IL1RAPL1: variants seen among roughly 807,000 people sequenced by gnomAD.
IL1RAPL1 encodes the protein interleukin 1 receptor accessory protein like 1, also known as interleukin-1 receptor accessory protein-like 1.
In IL1RAPL1, 3 loss-of-function variants were observed where a neutral mutation model predicts 48.4. That is an observed-to-expected ratio of 0.06 (90% CI 0.03 to 0.16). IL1RAPL1 has a LOEUF of 0.16. Ranked by LOEUF, IL1RAPL1 falls within the 10% of genes least tolerant of loss-of-function variation. The pLI is 1.00. For synonymous variants in IL1RAPL1, 185 were observed against 187.7 expected, an observed-to-expected ratio of 0.99 and a Z score of 0.12; for missense variants, 349 against 530.6, an observed-to-expected ratio of 0.66 and a Z score of 3.36.
intron 2 of IL1RAPL1, among the ~76,000 whole-genome samples, chrX:28,965,347 C>T (rs1814739349): frequency 9.0e-6 from 1 of 111,227 alleles, no homozygotes; most frequent in African/African-American, 3.3e-5. Flanking sequence ...TATTTAAGAA[C>T]ATGTTGAGCT....
intron 2 of IL1RAPL1, among the ~76,000 whole-genome samples, chrX:29,022,945 C>A (rs1359156566): frequency 8.9e-6 from 1 of 112,268 alleles, no homozygotes; most frequent in Non-Finnish European, 1.9e-5. Context: ...AAACCACTCA[C>A]TGCAGCCCAC....
At chrX:29,260,823 C>T (rs766804892) in intron 2 of IL1RAPL1, among the ~76,000 whole-genome samples, 19 of 109,189 alleles carry the variant, frequency 1.7e-4, no homozygotes, top group East Asian at 1.7e-3. Flanking sequence ...AATTGGCTTC[C>T]GGTATCATAA....
intron 2 of IL1RAPL1, among the ~76,000 whole-genome samples, chrX:28,897,226 G>A (rs1012335941): frequency 9.2e-6 from 1 of 108,245 alleles, no homozygotes; most frequent in Non-Finnish European, 1.9e-5. Flanking sequence ...GGTCGGGGGG[G>A]TTCTTGCCCC....
intron 2 of IL1RAPL1, among the ~76,000 whole-genome samples, chrX:28,951,022 AC>A (rs1182260246): frequency 3.2e-4 from 30 of 94,997 alleles, no homozygotes; most frequent in African/African-American, 9.6e-4. Context: ...TATCGCAAGA[AC>A]AAAAAACCAA....
intron 2 of IL1RAPL1, among the ~76,000 whole-genome samples, chrX:29,176,097 T>C (rs1930012442): frequency 1.1e-5 from 1 of 93,835 alleles, no homozygotes. Flanking sequence ...TTTTTTTTTT[T>C]TTTTTTTTCT....
chrX:29,627,192 A>G (rs1386406259), intron 5 of IL1RAPL1, among the ~76,000 whole-genome samples: 1 of 112,252 alleles, frequency 8.9e-6, no homozygotes, highest in Non-Finnish European at 1.9e-5. Context: ...AGATGATTTT[A>G]AAATGTGGCA....
rs148573650 is a variant in IL1RAPL1, at chrX:29,377,338, G to A, written c.363-18920G>A. On this transcript the variant is annotated intron_variant, in intron 3 of 10. Transcript: ENST00000378993. ...CTTGCCACTCTATGTCTTTTAAGTG[G>A]GACATGTAGCCTATTTACATTCGGG... Among the ~76,000 whole-genome samples, 549 of 111,789 alleles carry A rather than the reference G, an allele frequency of 4.9e-3. 6 individuals are homozygous for A. The highest frequency in any genetic ancestry group is 0.017 in the African/African-American group (528 of 30,755).
At chrX:29,593,108 C>T (rs1358935653) in intron 5 of IL1RAPL1, among the ~76,000 whole-genome samples, 1 of 111,857 alleles carries the variant, frequency 8.9e-6, no homozygotes, top group Non-Finnish European at 1.9e-5. Context: ...TTCTTTTCCC[C>T]AGCCATGGTG....
intron 6 of IL1RAPL1, among the ~76,000 whole-genome samples, chrX:29,828,933 A>G (rs1930803442): frequency 9.1e-6 from 1 of 110,056 alleles, no homozygotes; most frequent in African/African-American, 3.3e-5. Flanking sequence ...GGGTACGAGA[A>G]GGTCAGAAGG....
At chrX:29,386,434 G>A (rs767092103) in intron 3 of IL1RAPL1, among the ~76,000 whole-genome samples, 74 of 111,174 alleles carry the variant, frequency 6.7e-4, no homozygotes, top group Middle Eastern at 4.6e-3. Flanking sequence ...CTCTCAATAG[G>A]ATATAAACTC....
At chrX:29,322,306 G>T (rs1418140079) in intron 3 of IL1RAPL1, among the ~76,000 whole-genome samples, 1 of 99,068 alleles carries the variant, frequency 1.0e-5, no homozygotes, top group Non-Finnish European at 2.0e-5. Flanking sequence ...CTTTCTTGTC[G>T]CCCAGGCTGG....
At chrX:28,734,311 T>C (rs1438706833) in intron 1 of IL1RAPL1, among the ~76,000 whole-genome samples, 1 of 111,365 alleles carries the variant, frequency 9.0e-6, no homozygotes, top group Non-Finnish European at 1.9e-5. Context: ...TGAAAAGTGT[T>C]TACAATGGCT....
At chrX:29,421,456 C>T (rs2147705344) in intron 5 of IL1RAPL1, among the ~76,000 whole-genome samples, 1 of 110,408 alleles carries the variant, frequency 9.1e-6, no homozygotes, top group African/African-American at 3.3e-5. Context: ...GTAGGTTCTC[C>T]AAGAACCCCT....
At chrX:28,852,047 G>C (rs1056920603) in intron 2 of IL1RAPL1, among the ~76,000 whole-genome samples, 3 of 111,893 alleles carry the variant, frequency 2.7e-5, no homozygotes, top group Non-Finnish European at 3.8e-5. Flanking sequence ...GAGGTATGTG[G>C]TAACTTTGTT....
intron 1 of IL1RAPL1, among the ~76,000 whole-genome samples, chrX:28,630,630 C>T (rs1349495926): frequency 9.0e-6 from 1 of 111,722 alleles, no homozygotes; most frequent in Non-Finnish European, 1.9e-5. Flanking sequence ...GTTTTCTATT[C>T]GTCTACTGCA....
At chrX:29,246,150 C>CTTTTT (rs761809643) in intron 2 of IL1RAPL1, among the ~76,000 whole-genome samples, 6 of 52,021 alleles carry the variant, frequency 1.2e-4, no homozygotes, top group Non-Finnish European at 1.7e-4. Flanking sequence ...TCTCATCGCT[C>CTTTTT]TTTTTTTTTT....
At chrX:29,340,815 C>T (rs761830582) in intron 3 of IL1RAPL1, among the ~76,000 whole-genome samples, 289 of 111,876 alleles carry the variant, frequency 2.6e-3, no homozygotes, top group Middle Eastern at 4.6e-3. Flanking sequence ...CTGGAGTCTC[C>T]GAGGACACCA....
intron 2 of IL1RAPL1, among the ~76,000 whole-genome samples, chrX:28,908,452 G>A (rs1207667682): frequency 1.8e-5 from 2 of 111,288 alleles, no homozygotes; most frequent in African/African-American, 6.5e-5. Context: ...CTTGACTCGT[G>A]ATTTATTTGG....
chrX:29,045,530 A>G (rs745306514), intron 2 of IL1RAPL1, among the ~76,000 whole-genome samples: 3 of 111,993 alleles, frequency 2.7e-5, no homozygotes, highest in Admixed American at 9.5e-5. Flanking sequence ...CAGTGGTACA[A>G]TCATAGCTCA....
Sources: gnomAD v4.1 joint callset for allele counts (sites outside exome capture counted in the v4.1 genomes callset) on GRCh38, gnomAD v4.1.1 for gene constraint, MANE v1.5 for transcripts, NCBI Gene and HGNC (gene_info 2026-07-23, HGNC 2026-07-21) for gene names.